CNTN4: variants seen among roughly 807,000 people sequenced by gnomAD.
CNTN4 encodes the protein contactin 4.
In CNTN4, 77 loss-of-function variants were observed where a neutral mutation model predicts 122.5. The ratio of observed to expected loss-of-function variants is 0.63; its 90% CI spans 0.52 to 0.76. CNTN4 has a LOEUF of 0.76. CNTN4 is among the 30% of genes least tolerant of loss of function. The pLI is 0.00. For synonymous variants in CNTN4, 512 were observed against 447.0 expected (o/e 1.15, Z -1.83); for missense variants, 1,256 against 1,259.1 (o/e 1.00, Z 0.04).
At chr3:2,220,695 A>G (rs2039028196) in intron 2 of CNTN4, among the ~76,000 whole-genome samples, 1 of 152,122 alleles carries the variant, frequency 6.6e-6, no homozygotes, top group African/African-American at 2.4e-5. Flanking sequence ...TTGTTGTGAT[A>G]ATTACATAGA....
chr3:2,185,977 A>G (rs1259265344), intron 2 of CNTN4, among the ~76,000 whole-genome samples: 2 of 152,058 alleles, frequency 1.3e-5, no homozygotes, highest in East Asian at 3.9e-4. Context: ...CATGTGCACA[A>G]CGTGCAGGTT....
At chr3:2,679,153 C>G (rs1691306019) in intron 4 of CNTN4, among the ~76,000 whole-genome samples, 1 of 152,080 alleles carries the variant, frequency 6.6e-6, no homozygotes, top group African/African-American at 2.4e-5. Context: ...GCCTATCTGT[C>G]AAATGTTTCT....
intron 4 of CNTN4, among the ~76,000 whole-genome samples, chr3:2,595,869 G>A (rs1300254094): frequency 6.6e-6 from 1 of 152,172 alleles, no homozygotes; most frequent in Non-Finnish European, 1.5e-5. Context: ...CCACCTGTTA[G>A]ACAATCTCAT....
chr3:2,401,415 T>C (rs1459628288), intron 3 of CNTN4, among the ~76,000 whole-genome samples: 1 of 152,134 alleles, frequency 6.6e-6, no homozygotes, highest in African/African-American at 2.4e-5. Context: ...TCCCAGGTAT[T>C]TGTAGATAAT....
chr3:2,450,941 A>G (rs2048806798), intron 3 of CNTN4, among the ~76,000 whole-genome samples: 1 of 152,236 alleles, frequency 6.6e-6, no homozygotes. Context: ...GGAAAAGATC[A>G]CAGCAGATAT....
chr3:2,710,848 C>T (rs890709482), intron 4 of CNTN4, among the ~76,000 whole-genome samples: 3 of 152,218 alleles, frequency 2.0e-5, no homozygotes, highest in African/African-American at 7.2e-5. Flanking sequence ...TTTCCATACA[C>T]TCCACAGGAA....
intron 7 of CNTN4, among the ~76,000 whole-genome samples, chr3:2,832,644 G>A (rs1167100664): frequency 6.6e-6 from 1 of 152,210 alleles, no homozygotes; most frequent in Non-Finnish European, 1.5e-5. Context: ...CATGAGTATG[G>A]ACATGGGGAA....
At chr3:2,876,957 C>T (rs1234009462) in intron 8 of CNTN4, among the ~76,000 whole-genome samples, 1 of 152,208 alleles carries the variant, frequency 6.6e-6, no homozygotes, top group Non-Finnish European at 1.5e-5. Flanking sequence ...GCAGCATCAA[C>T]ATCACCTTGG....
At chr3:2,411,982 C>A (rs1024063161) in intron 3 of CNTN4, among the ~76,000 whole-genome samples, 1 of 152,006 alleles carries the variant, frequency 6.6e-6, no homozygotes, top group African/African-American at 2.4e-5. Context: ...CTGTCAATAC[C>A]TCTTCTATCC....
intron 4 of CNTN4, among the ~76,000 whole-genome samples, chr3:2,615,356 G>T (rs1476871651): frequency 1.3e-5 from 2 of 152,146 alleles, no homozygotes; most frequent in Non-Finnish European, 2.9e-5. Context: ...AACCTTGCAG[G>T]TGTCAGTGAT....
chr3:2,546,223 C>T (rs2078239085), intron 3 of CNTN4, among the ~76,000 whole-genome samples: 1 of 151,684 alleles, frequency 6.6e-6, no homozygotes, highest in South Asian at 2.1e-4. Context: ...CACTGCAGCA[C>T]TATTCACAAT....
intron 5 of CNTN4, among the ~76,000 whole-genome samples, chr3:2,744,141 A>T (rs958061776): frequency 2.0e-5 from 3 of 152,236 alleles, no homozygotes; most frequent in African/African-American, 7.2e-5. Context: ...GACTAGAAAT[A>T]CTAAGGAAGA....
At chr3:2,174,743 T>C (rs918775247) in intron 2 of CNTN4, among the ~76,000 whole-genome samples, 1 of 152,054 alleles carries the variant, frequency 6.6e-6, no homozygotes, top group Non-Finnish European at 1.5e-5. Flanking sequence ...GTTCTGCAAG[T>C]GGTATAAGCA....
At chr3:2,218,669 A>C (rs887373440) in intron 2 of CNTN4, among the ~76,000 whole-genome samples, 1 of 152,264 alleles carries the variant, frequency 6.6e-6, no homozygotes, top group African/African-American at 2.4e-5. Context: ...TTACACACGT[A>C]TGTAGTACTA....
chr3:2,308,982 G>C (rs1271313590), intron 2 of CNTN4, among the ~76,000 whole-genome samples: 1 of 152,022 alleles, frequency 6.6e-6, no homozygotes, highest in African/African-American at 2.4e-5. Flanking sequence ...GGTCTAGTTT[G>C]TTTATGGTGT....
chr3:2,349,675 G>T (rs2150427792), intron 3 of CNTN4, among the ~76,000 whole-genome samples: 1 of 152,304 alleles, frequency 6.6e-6, no homozygotes, highest in South Asian at 2.1e-4. Context: ...CAAGCTTGTA[G>T]GGAATGATGG....
At chr3:2,423,598 G>A (rs898606629) in intron 3 of CNTN4, among the ~76,000 whole-genome samples, 1 of 151,384 alleles carries the variant, frequency 6.6e-6, no homozygotes, top group Non-Finnish European at 1.5e-5. Flanking sequence ...AGATGTTGAT[G>A]AAAAATTTGC....
At chr3:2,409,294 C>T (rs571349085) in intron 3 of CNTN4, among the ~76,000 whole-genome samples, 16 of 147,998 alleles carry the variant, frequency 1.1e-4, no homozygotes, top group African/African-American at 3.7e-4. Context: ...GTCGCCCAGG[C>T]TGGAGTGCAG....
At chr3:2,569,310 C>CGG (rs2079317596) in intron 3 of CNTN4, among the ~76,000 whole-genome samples, 1 of 152,172 alleles carries the variant, frequency 6.6e-6, no homozygotes, top group African/African-American at 2.4e-5. Flanking sequence ...TGTAAATTAA[C>CGG]GCTAAGAGCC....
Sources: gnomAD v4.1 joint callset for allele counts (sites outside exome capture counted in the v4.1 genomes callset) on GRCh38, gnomAD v4.1.1 for gene constraint, MANE v1.5 for transcripts, NCBI Gene and HGNC (gene_info 2026-07-23, HGNC 2026-07-21) for gene names.